OS9: variants seen among roughly 807,000 people sequenced by gnomAD.
OS9 encodes OS9 endoplasmic reticulum lectin.
A neutral mutation model predicts 84.7 loss-of-function variants in OS9; 58 were observed. That is an observed-to-expected ratio of 0.68 (90% CI 0.55 to 0.85). The LOEUF (loss-of-function observed/expected upper bound fraction) is 0.85, where lower values mean the gene tolerates loss of function less well. OS9 is among the 40% of genes least tolerant of loss of function. The pLI, the probability that OS9 is intolerant of heterozygous loss-of-function variation, is 0.00. For missense variants in OS9, 760 were observed against 850.9 expected (o/e 0.89, Z 1.33); for synonymous variants, 278 against 320.8 (o/e 0.87, Z 1.43).
Position 57,696,348 on chromosome 12 carries a change from G to A in OS9, c.554G>A (p.Gly185Glu). 1 of 1,609,266 alleles carries A rather than the reference G, an allele frequency of 6.2e-7. No homozygotes were observed. The highest frequency in any genetic ancestry group is 2.2e-5 in the East Asian group (1 of 44,720). ...AATGGGTCCAAGTGCGACCTTAATGGGAGGCCCCGGGAGGCCGAGGTTCGG... is the reference window on the plus strand; with the variant it reads ...AATGGGTCCAAGTGCGACCTTAATGAGAGGCCCCGGGAGGCCGAGGTTCGG... ...YGNGSKCDLN[G>E]RPREAEVRFL... Residue 185 changes from glycine to glutamate, a missense_variant, in exon 5 of 15, where the codon GGG becomes GAG. Physicochemically the swap from Gly to Glu is moderately conservative, Grantham distance 98. Coordinates refer to ENST00000315970, the MANE Select transcript of OS9 (RefSeq NM_006812.4).
chr12:57,704,831 C>A (rs1954121729), intron 5 of OS9, among the ~76,000 whole-genome samples: 1 of 151,958 alleles, frequency 6.6e-6, no homozygotes. Context: ...TTAATCCTTT[C>A]CTATTTACTA....
At chr12:57,719,218 T>C (rs751592145) in intron 12 of OS9, 36 bp downstream of exon 12, 2 of 1,585,238 alleles carry the variant, frequency 1.3e-6, no homozygotes, top group South Asian at 2.2e-5. Flanking sequence ...TAGCCCAGTC[T>C]GTTGTTTTCA....
chr12:57,700,047 A>G (rs543225290), intron 5 of OS9, among the ~76,000 whole-genome samples: 1 of 152,282 alleles, frequency 6.6e-6, no homozygotes, highest in South Asian at 2.1e-4. Context: ...GTGAGCTGAT[A>G]TCGCACCATT....
chr12:57,697,895 CCTA>C (rs59855883), intron 5 of OS9, among the ~76,000 whole-genome samples: 2,120 of 49,510 alleles, frequency 0.043, 77 homozygotes, highest in Middle Eastern at 0.053. Context: ...ACACACGGAA[CCTA>C]ACATAAGCAA....
rs770994160 is a variant in OS9, at chr12:57,695,872, C to T, written c.403+29C>T. On this transcript the variant is annotated intron_variant, in intron 3 of 14. Coordinates refer to ENST00000315970, the MANE Select transcript of OS9 (RefSeq NM_006812.4). Reference sequence around the variant, plus strand: ...ACTCACTCCTATATTTTCCTTAAGCCCTTAGTGTCATATCATGGAAGTTCC... The same window carrying T: ...ACTCACTCCTATATTTTCCTTAAGCTCTTAGTGTCATATCATGGAAGTTCC... 1.2e-5 allele frequency: 19 copies of T among 1,589,060 alleles called. No individual in the cohort carries two copies. In the Admixed American group the frequency reaches 1.7e-4, roughly 14 times the overall value.
chr12:57,702,239 A>G (rs1003467617), intron 5 of OS9, among the ~76,000 whole-genome samples: 11 of 152,262 alleles, frequency 7.2e-5, no homozygotes, highest in Non-Finnish European at 1.2e-4. Context: ...CCAAACAAAA[A>G]TAACTCCTAT....
Position 57,696,372 on chromosome 12 carries a change from G to A in OS9, c.578G>A (p.Arg193Gln), listed in dbSNP as rs201802999. ...LNGRPREAEV[R>Q]FLCDEGAGIS... is the part of the protein sequence containing the mutation. ...GGGAGGCCCCGGGAGGCCGAGGTTCGGGTGAGTCTTGAGAGAGGGAAGTTG... is the reference window on the plus strand; with the variant it reads ...GGGAGGCCCCGGGAGGCCGAGGTTCAGGTGAGTCTTGAGAGAGGGAAGTTG... The change falls in exon 5 of 15, where the codon CGG becomes CAG. Residue 193 changes from arginine (R) to glutamine (Q), a missense_variant and splice_region_variant. Coordinates refer to ENST00000315970, the MANE Select transcript of OS9 (RefSeq NM_006812.4). 18 of 1,593,876 alleles carry A rather than the reference G, an allele frequency of 1.1e-5. No individual in the cohort carries two copies. The Middle Eastern group carries it at 1.7e-3, about 147-fold the overall frequency.
At chr12:57,713,922 C>T (rs1444604245) in intron 5 of OS9, among the ~76,000 whole-genome samples, 1 of 151,810 alleles carries the variant, frequency 6.6e-6, no homozygotes, top group African/African-American at 2.4e-5. Context: ...GCCTGGACAA[C>T]ATAGCGGGAC....
chr12:57,696,138 G>C (rs1203564169), intron 4 of OS9, 100 bp downstream of exon 4: 1 of 1,230,438 alleles, frequency 8.1e-7, no homozygotes, highest in African/African-American at 1.5e-5. Context: ...GTTTCTTGGG[G>C]CTTGGTGGCC....
At position 57,715,946 on chromosome 12, in the gene OS9, A is replaced by G. The variant is rs1316984192; in HGVS notation, c.766A>G (p.Met256Val). Residue 256 changes from methionine to valine, a missense_variant, in exon 6 of 15, where the codon ATG (methionine) becomes GTG (valine). Transcript: ENST00000315970. ...CHPSLQPEEY[M>V]AYVQRQADSK... The stretch of plus-strand genomic sequence containing the variant: ...CCCTTCCCTACAGCCTGAGGAGTAC[A>G]TGGCCTACGTTCAGAGGCAAGCCGG... 5.0e-6 allele frequency: 8 copies of G among 1,612,700 alleles called. No homozygotes were observed. In the African/African-American group the frequency reaches 6.7e-5, roughly 13 times the overall value.
At chr12:57,709,199 G>A (rs931745011) in intron 5 of OS9, among the ~76,000 whole-genome samples, 4 of 152,134 alleles carry the variant, frequency 2.6e-5, no homozygotes, top group Admixed American at 2.6e-4. Context: ...ATATAGTAGA[G>A]ATATTGTCCT....
intron 5 of OS9, among the ~76,000 whole-genome samples, chr12:57,709,558 C>T (rs754533568): frequency 6.6e-5 from 10 of 152,214 alleles, no homozygotes; most frequent in East Asian, 1.9e-4. Flanking sequence ...TGTATGTTTG[C>T]GCTTGAAAGC....
At chr12:57,712,783 A>G (rs557098023) in intron 5 of OS9, among the ~76,000 whole-genome samples, 107 of 151,990 alleles carry the variant, frequency 7.0e-4, no homozygotes, top group African/African-American at 2.5e-3. Context: ...CCCTCACAAC[A>G]TGAAGCCTCT....
intron 5 of OS9, among the ~76,000 whole-genome samples, chr12:57,705,771 C>T (rs755697060): frequency 5.3e-5 from 8 of 152,076 alleles, no homozygotes; most frequent in East Asian, 1.9e-4. Context: ...TGTGATCCAC[C>T]GTCGGCCTAC....
At chr12:57,715,154 A>G (rs1216607645) in intron 5 of OS9, among the ~76,000 whole-genome samples, 3 of 152,162 alleles carry the variant, frequency 2.0e-5, no homozygotes, top group African/African-American at 7.2e-5. Flanking sequence ...ACCTGAGGTC[A>G]GGAGTTCAAG....
rs1416087571 is a variant in OS9 at position 57,715,780 on chromosome 12, A to G, written c.600A>G (p.Ala200=). 5.0e-6 allele frequency: 8 copies of G among 1,610,250 alleles called. No homozygotes were observed. The highest frequency in any genetic ancestry group is 6.8e-6 in the Non-Finnish European group (8 of 1,177,784). Residue 200 remains alanine, a synonymous_variant, in exon 6 of 15, where the codon GCA becomes GCG. Transcript: ENST00000315970. The part of the protein sequence containing the change: ...AEVRFLCDEG[A]GISGDYIDRV... Reference sequence around the variant, plus strand: ...GGCAGTTCCTCTGTGACGAGGGTGCAGGTATCTCTGGGGACTACATCGATC... The same window carrying G: ...GGCAGTTCCTCTGTGACGAGGGTGCGGGTATCTCTGGGGACTACATCGATC...
chr12:57,694,999 A>AGAAC (rs1457796748), intron 2 of OS9, 73 bp downstream of exon 2: 37 of 1,362,138 alleles, frequency 2.7e-5, no homozygotes, highest in Non-Finnish European at 3.8e-5. Context: ...AGTCCACTGA[A>AGAAC]TGAGGCAGGA....
intron 8 of OS9, 75 bp downstream of exon 8, chr12:57,716,587 C>A: frequency 2.0e-6 from 3 of 1,493,964 alleles, no homozygotes; most frequent in Non-Finnish European, 2.8e-6. Context: ...GTGAGGTGAC[C>A]TACATCTACC....
intron 5 of OS9, among the ~76,000 whole-genome samples, chr12:57,700,918 C>T (rs556962309): frequency 6.6e-6 from 1 of 151,626 alleles, no homozygotes; most frequent in Admixed American, 6.6e-5. Flanking sequence ...ATAAAACATA[C>T]AATTATACAA....
Sources: allele counts gnomAD v4.1 joint callset (sites outside exome capture counted in the v4.1 genomes callset), GRCh38; gene constraint gnomAD v4.1.1; transcripts MANE v1.5; gene names NCBI Gene and HGNC (gene_info 2026-07-23, HGNC 2026-07-21).